The following PCGF5 variants were observed in gnomAD, a reference collection of about 807,000 sequenced individuals.
PCGF5 encodes polycomb group RING finger protein 5.
Under a neutral mutation model 44.3 loss-of-function variants are expected in PCGF5, and 9 were observed. That is an observed-to-expected ratio of 0.20 (90% CI 0.12 to 0.35). PCGF5 has a LOEUF of 0.35. Among genes scored for constraint, PCGF5 ranks in the 10% least tolerant of loss-of-function variants. The pLI is 1.00. For missense variants in PCGF5, 146 were observed against 305.3 expected (o/e 0.48, Z 3.89); for synonymous variants, 95 against 102.5 (o/e 0.93, Z 0.44).
intron 2 of PCGF5, among the ~76,000 whole-genome samples, chr10:91,225,721 T>C (rs576289720): frequency 6.6e-6 from 1 of 152,168 alleles, no homozygotes. Context: ...AATACAAATA[T>C]ATATTTATAC....
chr10:91,274,502 G>A (rs541954841), intron 9 of PCGF5, among the ~76,000 whole-genome samples: 5 of 152,188 alleles, frequency 3.3e-5, no homozygotes, highest in African/African-American at 4.8e-5. Flanking sequence ...TACCTATTGA[G>A]TATTATGCAT....
chr10:91,266,836 A>C (rs1846057759), intron 8 of PCGF5, among the ~76,000 whole-genome samples: 1 of 152,128 alleles, frequency 6.6e-6, no homozygotes, highest in Non-Finnish European at 1.5e-5. Flanking sequence ...ATACATTCAG[A>C]ATCCAGCTAT....
chr10:91,208,375 A>G (rs1220104327), intron 1 of PCGF5, among the ~76,000 whole-genome samples: 1 of 152,144 alleles, frequency 6.6e-6, no homozygotes, highest in Non-Finnish European at 1.5e-5. Flanking sequence ...GGGGAGAGAA[A>G]TACCTAATCC....
At chr10:91,187,084 G>T (rs529167016) in intron 1 of PCGF5, among the ~76,000 whole-genome samples, 10 of 152,288 alleles carry the variant, frequency 6.6e-5, no homozygotes, top group East Asian at 1.9e-4. Flanking sequence ...CAACTGGTCT[G>T]CAGACCACAT....
Position 91,279,989 on chromosome 10 carries a change from A to G in PCGF5, c.*1673A>G, listed in dbSNP as rs1011210739. The G allele has an allele frequency of 9.9e-5, 15 of 152,166 alleles. No individual in the cohort carries two copies. The highest frequency in any genetic ancestry group is 5.9e-4 in the Admixed American group (9 of 15,294). The allele number at this position is 152,166 out of a possible 1,614,324, so 9.4% of individuals were successfully genotyped here. The stretch of plus-strand genomic sequence containing the variant: ...TATCTTTTTTTGAGTCAAAAAGTCT[A>G]TTAAATTTTTCTGTTGTTGTTCCAA... On this transcript the variant is annotated 3_prime_UTR_variant, in exon 10 of 10. Coordinates refer to ENST00000336126, the MANE Select transcript of PCGF5 (RefSeq NM_032373.5).
rs1846433616 is a variant in PCGF5, at chr10:91,280,713, C to A, written c.*2397C>A. On this transcript the variant is annotated 3_prime_UTR_variant, in exon 10 of 10. Coordinates refer to ENST00000336126, the MANE Select transcript of PCGF5 (RefSeq NM_032373.5). ...CAACTACAGCTTTCTAAGGATAGGA[C>A]TACTTTCATGTCTAGTAATACACTG... is the stretch of plus-strand genomic sequence containing the variant. The A allele has an allele frequency of 6.6e-6, 1 of 152,308 alleles. No individual in the cohort carries two copies. Among genetic ancestry groups the A allele is most frequent in the African/African-American group, 2.4e-5 (1 of 41,420 alleles). The allele number at this position is 152,308 out of a possible 1,614,324, so 9.4% of individuals were successfully genotyped here. A position where few individuals can be genotyped will look rare whatever the true frequency, so the allele number is the denominator to read the frequency against.
At chr10:91,214,578 T>C (rs1159517973) in intron 1 of PCGF5, among the ~76,000 whole-genome samples, 3 of 152,160 alleles carry the variant, frequency 2.0e-5, no homozygotes, top group Admixed American at 6.5e-5. Flanking sequence ...GGAGTAATTA[T>C]AAGAACAAAG....
chr10:91,252,017 T>A (rs1476602805), intron 6 of PCGF5, among the ~76,000 whole-genome samples: 2 of 152,056 alleles, frequency 1.3e-5, no homozygotes, highest in African/African-American at 4.8e-5. Flanking sequence ...TAATTGAATC[T>A]TTCCTTAGAG....
rs183144413 is a variant in PCGF5 at position 91,227,776 on chromosome 10, A to G, written c.112+4793A>G. 55 of 994,082 alleles carry G rather than the reference A, an allele frequency of 5.5e-5. No individual in the cohort carries two copies. The East Asian group carries it at 4.3e-3, about 77-fold the overall frequency. 61.6% of individuals were successfully genotyped at this position (994,082 alleles called of 1,614,324 possible). A position where few individuals can be genotyped will look rare whatever the true frequency, so the allele number is the denominator to read the frequency against. On this transcript the variant is annotated intron_variant, in intron 2 of 9. Transcript: ENST00000336126. ...ACCACTTCCTCCCCTACCACCTAAC[A>G]CTCACACATACAAATACTTGGTTCA...
At chr10:91,212,868 T>C (rs1844478495) in intron 1 of PCGF5, among the ~76,000 whole-genome samples, 1 of 152,214 alleles carries the variant, frequency 6.6e-6, no homozygotes, top group Admixed American at 6.5e-5. Context: ...GTCTCCTCTC[T>C]TTGTAAAGAT....
intron 1 of PCGF5, among the ~76,000 whole-genome samples, chr10:91,199,289 A>G (rs566167361): frequency 1.3e-5 from 2 of 152,332 alleles, no homozygotes; most frequent in South Asian, 4.1e-4. Flanking sequence ...TTTATTAGGG[A>G]ATGCCCTTTG....
At chr10:91,262,246 TAA>T (rs1038770342) in intron 7 of PCGF5, among the ~76,000 whole-genome samples, 5 of 151,988 alleles carry the variant, frequency 3.3e-5, no homozygotes, top group Non-Finnish European at 7.4e-5. Flanking sequence ...GCCAACATGG[TAA>T]AACCCTGTGT....
intron 1 of PCGF5, among the ~76,000 whole-genome samples, chr10:91,184,107 G>A (rs561257990): frequency 6.6e-6 from 1 of 152,250 alleles, no homozygotes; most frequent in Admixed American, 6.5e-5. Context: ...AGGTTGGCCT[G>A]TCTAGCTAGG....
intron 2 of PCGF5, chr10:91,227,407 T>A: frequency 1.6e-6 from 2 of 1,289,382 alleles, no homozygotes; most frequent in Non-Finnish European, 2.0e-6. Context: ...CTACGAATGA[T>A]CAAATGGGAT....
At chr10:91,176,750 G>A (rs1843715284) in intron 1 of PCGF5, among the ~76,000 whole-genome samples, 2 of 152,190 alleles carry the variant, frequency 1.3e-5, no homozygotes, top group Admixed American at 1.3e-4. Flanking sequence ...ATGGTTTTCA[G>A]CTCCACCAGG....
chr10:91,174,371 G>A (rs983874227), intron 1 of PCGF5, among the ~76,000 whole-genome samples: 1 of 152,056 alleles, frequency 6.6e-6, no homozygotes, highest in Admixed American at 6.5e-5. Flanking sequence ...GACAGGTGTG[G>A]CGGTGCATGC....
chr10:91,282,631 C>T lies in PCGF5; in HGVS notation c.*4315C>T, dbSNP rs976005050. The T allele has an allele frequency of 1.3e-5, 2 of 152,582 alleles. No homozygotes were observed. Among genetic ancestry groups the T allele is most frequent in the South Asian group, 4.1e-4 (2 of 4,824 alleles). The allele number at this position is 152,582 out of a possible 1,614,324, so 9.5% of individuals were successfully genotyped here. A position where few individuals can be genotyped will look rare whatever the true frequency, so the allele number is the denominator to read the frequency against. ...CCATATCCCCCTTGTACCATTTCTC[C>T]TTGGGAACTCATGCTATGGGCTACC... On this transcript the variant is annotated 3_prime_UTR_variant, in exon 10 of 10. Coordinates refer to ENST00000336126, the MANE Select transcript of PCGF5 (RefSeq NM_032373.5).
chr10:91,225,384 T>C (rs1844802750), intron 2 of PCGF5, among the ~76,000 whole-genome samples: 1 of 151,364 alleles, frequency 6.6e-6, no homozygotes, highest in African/African-American at 2.4e-5. Context: ...ACTGCACATG[T>C]CATCCTAGCC....
At chr10:91,172,296 G>A (rs1201006089) in intron 1 of PCGF5, among the ~76,000 whole-genome samples, 1 of 152,200 alleles carries the variant, frequency 6.6e-6, no homozygotes, top group African/African-American at 2.4e-5. Flanking sequence ...GCATGTGCCT[G>A]TAATCTCAGC....
Sources: allele counts gnomAD v4.1 joint callset (sites outside exome capture counted in the v4.1 genomes callset), GRCh38; gene constraint gnomAD v4.1.1; transcripts MANE v1.5; gene names NCBI Gene and HGNC (gene_info 2026-07-23, HGNC 2026-07-21).